NEGR1: variants seen among roughly 807,000 people sequenced by gnomAD.
NEGR1 encodes the protein neuronal growth regulator 1, also known as IgLON family member 4.
Under a neutral mutation model 40.9 loss-of-function variants are expected in NEGR1, and 10 were observed. That is an observed-to-expected ratio of 0.24 (90% CI 0.15 to 0.42). NEGR1 has a LOEUF of 0.42. NEGR1 is among the 10% of genes least tolerant of loss of function. NEGR1 has a pLI of 1.00. For synonymous variants in NEGR1, 185 were observed against 166.8 expected (o/e 1.11, Z -0.84); for missense variants, 352 against 438.9 (o/e 0.80, Z 1.77).
intron 1 of NEGR1, among the ~76,000 whole-genome samples, chr1:72,262,674 T>A (rs1655498684): frequency 2.0e-5 from 3 of 151,922 alleles, no homozygotes; most frequent in African/African-American, 7.2e-5. Flanking sequence ...CAAATTATCA[T>A]TTAAATGTAT....
At chr1:71,775,814 A>T (rs1656484154) in intron 3 of NEGR1, among the ~76,000 whole-genome samples, 1 of 151,790 alleles carries the variant, frequency 6.6e-6, no homozygotes, top group Non-Finnish European at 1.5e-5. Flanking sequence ...CAACATGGTA[A>T]ACCCCTTCTC....
At chr1:71,420,599 A>G (rs1287326404) in intron 6 of NEGR1, among the ~76,000 whole-genome samples, 1 of 152,076 alleles carries the variant, frequency 6.6e-6, no homozygotes, top group African/African-American at 2.4e-5. Context: ...CACCTTTGTC[A>G]AAGCATAACT....
intron 2 of NEGR1, among the ~76,000 whole-genome samples, chr1:71,915,893 G>A (rs896679507): frequency 3.9e-5 from 6 of 152,166 alleles, no homozygotes; most frequent in Non-Finnish European, 8.8e-5. Flanking sequence ...ACTTTAACAA[G>A]TAACAGACTA....
intron 6 of NEGR1, among the ~76,000 whole-genome samples, chr1:71,528,568 T>A (rs1647270112): frequency 6.6e-6 from 1 of 151,228 alleles, no homozygotes; most frequent in South Asian, 2.1e-4. Context: ...AAGTGAAAAA[T>A]TATTTTCTAA....
chr1:71,442,226 C>CT (rs35594326), intron 6 of NEGR1, among the ~76,000 whole-genome samples: 3 of 84,970 alleles, frequency 3.5e-5, no homozygotes, highest in Admixed American at 2.8e-4. Context: ...GGTAGCATTC[C>CT]TTTTTTTTTT....
chr1:71,678,190 G>T (rs1652709769), intron 4 of NEGR1, among the ~76,000 whole-genome samples: 1 of 152,138 alleles, frequency 6.6e-6, no homozygotes, highest in South Asian at 2.1e-4. Context: ...TACAAGGAAA[G>T]ATAGGAAGCT....
intron 1 of NEGR1, among the ~76,000 whole-genome samples, chr1:71,999,679 A>T (rs1487343388): frequency 2.2e-5 from 1 of 44,826 alleles, no homozygotes; most frequent in African/African-American, 6.6e-5. Context: ...ATATATATAT[A>T]CATACATATT....
intron 1 of NEGR1, among the ~76,000 whole-genome samples, chr1:72,114,111 G>A (rs575393024): frequency 5.9e-5 from 9 of 151,740 alleles, no homozygotes; most frequent in African/African-American, 1.7e-4. Context: ...TAACTTAGCC[G>A]GGCTATGGTA....
intron 1 of NEGR1, among the ~76,000 whole-genome samples, chr1:72,168,471 T>G (rs984699137): frequency 1.4e-4 from 22 of 151,994 alleles, no homozygotes; most frequent in African/African-American, 5.3e-4. Flanking sequence ...AAAATGAAGA[T>G]TTTCTGGTGG....
intron 1 of NEGR1, among the ~76,000 whole-genome samples, chr1:72,036,384 G>A (rs921029517): frequency 1.1e-4 from 16 of 152,062 alleles, no homozygotes; most frequent in African/African-American, 1.4e-4. Flanking sequence ...GGCTGGGCAC[G>A]TTGGCTCACA....
intron 2 of NEGR1, among the ~76,000 whole-genome samples, chr1:71,895,824 T>C (rs1313093587): frequency 1.3e-5 from 2 of 152,186 alleles, no homozygotes. Flanking sequence ...GAAGTGAAAC[T>C]GCTGAATTAT....
chr1:72,255,287 T>C (rs116239954), intron 1 of NEGR1, among the ~76,000 whole-genome samples: 2,650 of 152,242 alleles, frequency 0.017, 69 homozygotes, highest in African/African-American at 0.06. Flanking sequence ...ATAGTTGAAA[T>C]AAAAATAATA....
intron 1 of NEGR1, among the ~76,000 whole-genome samples, chr1:72,189,408 A>C (rs1652734001): frequency 6.6e-6 from 1 of 151,516 alleles, no homozygotes; most frequent in African/African-American, 2.4e-5. Context: ...GTATCTTTCA[A>C]ACCCAGCTCA....
chr1:72,141,375 T>G (rs1203947464), intron 1 of NEGR1, among the ~76,000 whole-genome samples: 1 of 152,048 alleles, frequency 6.6e-6, no homozygotes, highest in African/African-American at 2.4e-5. Flanking sequence ...ATGGTATGAA[T>G]TTATACCAGG....
At chr1:71,423,664 G>A (rs1441227893) in intron 6 of NEGR1, among the ~76,000 whole-genome samples, 1 of 151,990 alleles carries the variant, frequency 6.6e-6, no homozygotes, top group East Asian at 1.9e-4. Flanking sequence ...AATTCCTGAG[G>A]ATACGTAATT....
At chr1:71,668,606 A>G (rs1415739617) in intron 4 of NEGR1, among the ~76,000 whole-genome samples, 1 of 152,154 alleles carries the variant, frequency 6.6e-6, no homozygotes, top group African/African-American at 2.4e-5. Context: ...CGTGACTGAA[A>G]GGACTTATAT....
intron 1 of NEGR1, among the ~76,000 whole-genome samples, chr1:72,018,659 C>T (rs1341131899): frequency 6.6e-6 from 1 of 151,960 alleles, no homozygotes; most frequent in East Asian, 1.9e-4. Flanking sequence ...TGAAGCAAGC[C>T]TAGGGAAAAG....
chr1:72,030,847 A>G (rs1482996589), intron 1 of NEGR1, among the ~76,000 whole-genome samples: 1 of 152,250 alleles, frequency 6.6e-6, no homozygotes, highest in East Asian at 1.9e-4. Context: ...TGAGAATTCT[A>G]CACACTTTCT....
chr1:72,277,531 T>C (rs1011786518), intron 1 of NEGR1, among the ~76,000 whole-genome samples: 2 of 149,564 alleles, frequency 1.3e-5, no homozygotes, highest in Non-Finnish European at 2.9e-5. Flanking sequence ...ATTATACTTT[T>C]ATTAATAGTT....
Sources: allele counts gnomAD v4.1 joint callset (sites outside exome capture counted in the v4.1 genomes callset), GRCh38; gene constraint gnomAD v4.1.1; transcripts MANE v1.5; gene names NCBI Gene and HGNC (gene_info 2026-07-23, HGNC 2026-07-21).